CNTFR: variants seen among roughly 807,000 people sequenced by gnomAD.
CNTFR encodes ciliary neurotrophic factor receptor, also known as ciliary neurotrophic factor receptor subunit alpha.
In CNTFR, 12 loss-of-function variants were observed where a neutral mutation model predicts 40.4. The observed-to-expected ratio is 0.30, with a 90% confidence interval of 0.19 to 0.48. The LOEUF is 0.48. Among genes scored for constraint, CNTFR ranks in the 20% least tolerant of loss-of-function variants. The pLI, the probability that CNTFR is intolerant of heterozygous loss-of-function variation, is 0.99. For synonymous variants in CNTFR, 202 were observed against 209.6 expected (o/e 0.96, Z 0.31); for missense variants, 414 against 506.8 (o/e 0.82, Z 1.76).
rs1309028233 is a variant in CNTFR at position 34,564,567 on chromosome 9, G to C, written c.319+32C>G. Reference sequence around the variant, plus strand: ...GGAGTCTGGGTCTCAAGGAAGGAGGGAGGCTGGATGAGGGGTGGGGGCAAC... The same window carrying C: ...GGAGTCTGGGTCTCAAGGAAGGAGGCAGGCTGGATGAGGGGTGGGGGCAAC... On this transcript the variant is annotated intron_variant, in intron 4 of 9. Coordinates refer to ENST00000378980, the MANE Select transcript of CNTFR (RefSeq NM_147164.3). The C allele has an allele frequency of 2.6e-6, 4 of 1,562,132 alleles. No homozygotes were observed. In the Admixed American group the frequency reaches 5.5e-5, roughly 22 times the overall value.
At chr9:34,575,751 A>T (rs1826926524) in intron 2 of CNTFR, among the ~76,000 whole-genome samples, 1 of 151,218 alleles carries the variant, frequency 6.6e-6, no homozygotes, top group Non-Finnish European at 1.5e-5. Flanking sequence ...CTTATAACAA[A>T]AAAAACCTGA....
chr9:34,568,610 G>C (rs527473907), intron 3 of CNTFR, among the ~76,000 whole-genome samples: 90 of 151,684 alleles, frequency 5.9e-4, no homozygotes, highest in Middle Eastern at 3.4e-3. Flanking sequence ...TACAGGTCCC[G>C]CCCCAGCCTC....
Position 34,557,428 on chromosome 9 carries a change from T to TA in CNTFR, c.604+97dup. 1 of 1,346,444 alleles carries TA rather than the reference T, an allele frequency of 7.4e-7. No homozygotes were observed. 83.4% of individuals were successfully genotyped at this position (1,346,444 alleles called of 1,614,324 possible). On this transcript the variant is annotated intron_variant, in intron 6 of 9. Coordinates refer to ENST00000378980, the MANE Select transcript of CNTFR (RefSeq NM_147164.3). The surrounding 1 kb of genome is among the most constrained non-coding windows in gnomAD (Gnocchi z 4.2). ...TGTGCAGAGGCATGTACATGCCATG[T>TA]ATACATGTGCATGCATGTGGACATC...
At position 34,570,449 on chromosome 9, in the gene CNTFR, G is replaced by C. The variant is rs1055190209; in HGVS notation, c.1-1468C>G. Among the ~76,000 whole-genome samples the C allele has an allele frequency of 2.0e-5, 3 of 152,214 alleles. No homozygotes were observed. The East Asian group carries it at 5.8e-4, about 29-fold the overall frequency. On this transcript the variant is annotated intron_variant, in intron 2 of 9. Transcript: ENST00000378980. The stretch of plus-strand genomic sequence containing the variant: ...AGGCAGTGAAGCCGTCGGCGACAAA[G>C]CCAGAGAGCTAAGACACTGTCAGAA...
chr9:34,584,922 C>T (rs1827476981), intron 1 of CNTFR, among the ~76,000 whole-genome samples: 1 of 152,156 alleles, frequency 6.6e-6, no homozygotes, highest in Admixed American at 6.5e-5. Flanking sequence ...AGCCTGCAAA[C>T]CAGTCTTCCT....
upstream of CNTFR, chr9:34,589,856 C>T (rs1476351248): frequency 1.3e-5 from 2 of 149,572 alleles, no homozygotes; most frequent in Admixed American, 6.6e-5. This position sits in a 1 kb window ranked among gnomAD's most constrained non-coding sequence, Gnocchi z 4.4. Context: ...TCCCCTCCCC[C>T]TCTTGCCTTG....
At chr9:34,579,149 C>T (rs1827157779) in intron 2 of CNTFR, among the ~76,000 whole-genome samples, 1 of 152,198 alleles carries the variant, frequency 6.6e-6, no homozygotes, top group Non-Finnish European at 1.5e-5. Flanking sequence ...GGGCCATACC[C>T]TCCTCCCTTC....
chr9:34,552,349 C>G lies in CNTFR; in HGVS notation c.950-20G>C. ...TGGTCTCTGGGGAACATGGGGGAAACTCAGGGCAAGGCCAGGGCTGGGTCC... is the reference window on the plus strand; with the variant it reads ...TGGTCTCTGGGGAACATGGGGGAAAGTCAGGGCAAGGCCAGGGCTGGGTCC... On this transcript the variant is annotated intron_variant, in intron 8 of 9. Transcript: ENST00000378980. The surrounding 1 kb of genome is among the most constrained non-coding windows in gnomAD (Gnocchi z 5.1). The G allele has an allele frequency of 1.3e-6, 2 of 1,531,532 alleles. No homozygotes were observed. Among genetic ancestry groups the G allele is most frequent in the South Asian group, 1.2e-5 (1 of 83,226 alleles). 94.9% of individuals were successfully genotyped at this position (1,531,532 alleles called of 1,614,324 possible). A position where few individuals can be genotyped will look rare whatever the true frequency, so the allele number is the denominator to read the frequency against.
chr9:34,555,044 C>T (rs1008846239), intron 7 of CNTFR, among the ~76,000 whole-genome samples: 3 of 152,240 alleles, frequency 2.0e-5, no homozygotes, highest in Non-Finnish European at 2.9e-5. Flanking sequence ...GAGCCGCGTG[C>T]GTGTGCATGT....
At chr9:34,577,789 C>T (rs1362573602) in intron 2 of CNTFR, among the ~76,000 whole-genome samples, 2 of 152,236 alleles carry the variant, frequency 1.3e-5, no homozygotes, top group Non-Finnish European at 2.9e-5. Context: ...GTCCCAGTCC[C>T]TCCCACCGGC....
intron 7 of CNTFR, among the ~76,000 whole-genome samples, chr9:34,554,345 T>A (rs1346514400): frequency 6.6e-6 from 1 of 152,054 alleles, no homozygotes; most frequent in Non-Finnish European, 1.5e-5. Context: ...GGGGAACAGA[T>A]CAAATTGCCA....
At chr9:34,561,481 G>T (rs1826073961) in intron 4 of CNTFR, among the ~76,000 whole-genome samples, 1 of 152,140 alleles carries the variant, frequency 6.6e-6, no homozygotes, top group Non-Finnish European at 1.5e-5. Flanking sequence ...CCTAATGTGG[G>T]GGGTCCTTCC....
intron 2 of CNTFR, among the ~76,000 whole-genome samples, chr9:34,576,267 G>A (rs755389645): frequency 1.2e-4 from 18 of 152,236 alleles, no homozygotes; most frequent in Non-Finnish European, 2.1e-4. Context: ...GCTGGTGTGC[G>A]TGCACACATT....
Position 34,557,497 on chromosome 9 carries a change from C to T in CNTFR, c.604+29G>A, listed in dbSNP as rs1239814115. Reference sequence around the variant, plus strand: ...CCACTTACATTCCCACTGGAGTAGGCAGCAGGTCCCCCCAACCGCCACACG... The same window carrying T: ...CCACTTACATTCCCACTGGAGTAGGTAGCAGGTCCCCCCAACCGCCACACG... On this transcript the variant is annotated intron_variant, in intron 6 of 9. Coordinates refer to ENST00000378980, the MANE Select transcript of CNTFR (RefSeq NM_147164.3). This position sits in a 1 kb window ranked among gnomAD's most constrained non-coding sequence, Gnocchi z 4.2. 1.2e-6 allele frequency: 2 copies of T among 1,606,902 alleles called. No homozygotes were observed. Among genetic ancestry groups the T allele is most frequent in the South Asian group, 2.2e-5 (2 of 90,636 alleles).
chr9:34,579,227 G>A (rs1430768964), intron 2 of CNTFR, among the ~76,000 whole-genome samples: 10 of 152,142 alleles, frequency 6.6e-5, no homozygotes, highest in Admixed American at 6.5e-4. Context: ...GAACGGGGGA[G>A]GGAGGGGGAT....
At chr9:34,558,697 T>C (rs1257554394) in intron 4 of CNTFR, among the ~76,000 whole-genome samples, 1 of 152,134 alleles carries the variant, frequency 6.6e-6, no homozygotes, top group Non-Finnish European at 1.5e-5. Context: ...TGCTGTTCCC[T>C]TTGTGTGTAC....
intron 3 of CNTFR, chr9:34,568,117 G>A (rs1057196452): frequency 2.0e-5 from 3 of 152,234 alleles, no homozygotes; most frequent in Non-Finnish European, 4.4e-5. Flanking sequence ...AGTAGGAGGT[G>A]GGAATCATGC....
rs138486196 is a variant in CNTFR at position 34,588,509 on chromosome 9, G to A, written c.-112+1046C>T. Among the ~76,000 whole-genome samples the A allele has an allele frequency of 1.6e-4, 25 of 152,278 alleles. No individual in the cohort carries two copies. The East Asian group carries it at 4.6e-3, about 28-fold the overall frequency. On this transcript the variant is annotated intron_variant, in intron 1 of 9. Transcript: ENST00000378980. The stretch of plus-strand genomic sequence containing the variant: ...ACAAATTCACCAAGTATTACAGGCA[G>A]AACAACTAGTGTTAGAGACACACTC...
At chr9:34,570,630 CCAGAGACACTGTCAGACACACAGT>C (rs1826561388) in intron 2 of CNTFR, among the ~76,000 whole-genome samples, 1 of 152,122 alleles carries the variant, frequency 6.6e-6, no homozygotes. Flanking sequence ...CCAAACACTG[CCAGAGACACTGTCAGACACACAGT>C]CAGACACACT....
Sources: gnomAD v4.1 joint callset for allele counts (sites outside exome capture counted in the v4.1 genomes callset) on GRCh38, gnomAD v4.1.1 for gene constraint, Gnocchi (gnomAD v3.1) non-coding constraint, MANE v1.5 for transcripts, NCBI Gene and HGNC (gene_info 2026-07-23, HGNC 2026-07-21) for gene names.